Variants in SETD2 observed in about 807,000 individuals in gnomAD.
SETD2 encodes histone-lysine N-methyltransferase SETD2.
In SETD2, 31 loss-of-function variants were observed where a neutral mutation model predicts 242.1. That is an observed-to-expected ratio of 0.13 (90% CI 0.10 to 0.17). The LOEUF (loss-of-function observed/expected upper bound fraction) is 0.17, where lower values mean the gene tolerates loss of function less well. SETD2 is among the 10% of genes least tolerant of loss of function. SETD2 has a pLI of 1.00. For synonymous variants in SETD2, 1,006 were observed against 1,066.5 expected (o/e 0.94, Z 1.11); for missense variants, 2,481 against 3,046.3 (o/e 0.81, Z 4.37).
At chr3:47,037,607 G>C (rs532277122) in intron 18 of SETD2, 59 bp downstream of exon 18, 8 of 1,238,494 alleles carry the variant, frequency 6.5e-6, no homozygotes, top group Non-Finnish European at 4.8e-6. Context: ...AAGACCATGC[G>C]GGATGGTCTT....
intron 1 of SETD2, among the ~76,000 whole-genome samples, chr3:47,156,381 G>C (rs1315100427): frequency 6.6e-6 from 1 of 152,312 alleles, no homozygotes; most frequent in Admixed American, 6.5e-5. Context: ...ATGACTGATA[G>C]ATAATCTTGT....
intron 14 of SETD2, among the ~76,000 whole-genome samples, chr3:47,058,962 T>A (rs1553684451): frequency 6.6e-6 from 1 of 150,978 alleles, no homozygotes; most frequent in Non-Finnish European, 1.5e-5. Context: ...GCCTGGCTAA[T>A]TTGTTGTTGT....
chr3:47,084,426 CTTTT>C (rs5848822), intron 11 of SETD2, 44 bp from the exon 12 acceptor site: 355 of 977,298 alleles, frequency 3.6e-4, no homozygotes, highest in Non-Finnish European at 4.0e-4. Flanking sequence ...GTACAGTTGA[CTTTT>C]TTTTTTTTTT....
chr3:47,124,457 T>C lies in SETD2; in HGVS notation c.179A>G (p.Lys60Arg), dbSNP rs1340972697. Residue 60 changes from lysine to arginine, a missense_variant, in exon 3 of 21, where the codon AAA (lysine) becomes AGA (arginine). By Grantham distance (26) the Lys-to-Arg change is conservative (BLOSUM62 2). Transcript: ENST00000409792. Reference protein sequence around the residue: ...ASSRFLPKGTKTKVNLEEQGR... With the variant: ...ASSRFLPKGTRTKVNLEEQGR... Reference sequence around the variant, plus strand: ...CTGTTCTTCCAAATTAACTTTTGTTTTGGTGCCTTTGGGCAAAAATCGACT... The same window carrying C: ...CTGTTCTTCCAAATTAACTTTTGTTCTGGTGCCTTTGGGCAAAAATCGACT... 1 of 1,551,860 alleles carries C rather than the reference T, an allele frequency of 6.4e-7. No individual in the cohort carries two copies. Among genetic ancestry groups the C allele is most frequent in the Admixed American group, 2.0e-5 (1 of 51,012 alleles).
intron 6 of SETD2, among the ~76,000 whole-genome samples, chr3:47,105,304 G>A (rs924241411): frequency 6.6e-6 from 1 of 150,542 alleles, no homozygotes; most frequent in Non-Finnish European, 1.5e-5. Flanking sequence ...CAGCTACTCA[G>A]AAGACTGAGG....
At chr3:47,028,284 C>T (rs559876818) in intron 18 of SETD2, among the ~76,000 whole-genome samples, 9 of 152,260 alleles carry the variant, frequency 5.9e-5, no homozygotes, top group East Asian at 3.9e-4. Context: ...GGAAAACCCA[C>T]GCACAGCATG....
chr3:47,101,009 CAAAAAAAAAAAA>C lies in SETD2; in HGVS notation c.5015+437_5015+448del, dbSNP rs1164475680. On this transcript the variant is annotated intron_variant, in intron 8 of 20. Coordinates refer to ENST00000409792, the MANE Select transcript of SETD2 (RefSeq NM_014159.7). ...TGGGCGACAGAGCAAGAGTCCATCTCAAAAAAAAAAAAAAAAAAAAAAAAAAGAACTAGGTAA... is the reference window on the plus strand; with the variant it reads ...TGGGCGACAGAGCAAGAGTCCATCTCAAAAAAAAAAAAAAGAACTAGGTAA... 3.9e-4 allele frequency among the ~76,000 whole-genome samples: 9 copies of C among 23,118 alleles called. No homozygotes were observed. The East Asian group carries it at 6.7e-3, about 17-fold the overall frequency. 15.2% of individuals were successfully genotyped at this position (23,118 alleles called of 152,430 possible). A position where few individuals can be genotyped will look rare whatever the true frequency, so the allele number is the denominator to read the frequency against.
At position 47,113,325 on chromosome 3, in the gene SETD2, C is replaced by T. The variant is rs1454399397; in HGVS notation, c.4715+551G>A. ...TGTATACTAATGGATTCTGTCCCAA[C>T]TTCTTTTTATATAGCTTCATAGAGA... On this transcript the variant is annotated intron_variant, in intron 5 of 20. Coordinates refer to ENST00000409792, the MANE Select transcript of SETD2 (RefSeq NM_014159.7). Among the ~76,000 whole-genome samples, 13 of 152,254 alleles carry T rather than the reference C, an allele frequency of 8.5e-5. No individual in the cohort carries two copies. In the East Asian group the frequency reaches 2.5e-3, roughly 29 times the overall value.
In SETD2 at chr3:47,120,507, T is replaced by G. The variant is rs777116969; in HGVS notation, c.4129A>C (p.Ile1377Leu). 6 of 1,613,884 alleles carry G rather than the reference T, an allele frequency of 3.7e-6. No individual in the cohort carries two copies. The highest frequency in any genetic ancestry group is 1.1e-5 in the South Asian group (1 of 91,078). ...VQAPEISSNS[I>L]KDTLAVNEKK... ...TCATTCACAGCTAAAGTGTCCTTAA[T>G]GGAATTGCTGCTTATTTCAGGTGCT... The change falls in exon 3 of 21, where the codon ATT becomes CTT. Residue 1377 changes from isoleucine (I) to leucine (L), a missense_variant. Physicochemically the swap from Ile to Leu is conservative, Grantham distance 5. Transcript: ENST00000409792.
intron 14 of SETD2, among the ~76,000 whole-genome samples, chr3:47,060,819 G>A (rs922117503): frequency 1.4e-4 from 22 of 152,078 alleles, no homozygotes; most frequent in Non-Finnish European, 4.4e-5. Context: ...CGTAAACTGG[G>A]AGAAGATATT....
intron 18 of SETD2, among the ~76,000 whole-genome samples, chr3:47,027,195 A>G (rs1028823501): frequency 2.0e-5 from 3 of 151,914 alleles, no homozygotes; most frequent in African/African-American, 7.3e-5. Flanking sequence ...AAAATTAGCC[A>G]TGCGTGGTGG....
At chr3:47,055,728 G>A (rs1477737149) in intron 15 of SETD2, among the ~76,000 whole-genome samples, 2 of 151,480 alleles carry the variant, frequency 1.3e-5, no homozygotes, top group East Asian at 1.9e-4. Flanking sequence ...AAGTTCTGCC[G>A]GCCAGGCACG....
intron 12 of SETD2, among the ~76,000 whole-genome samples, chr3:47,070,846 T>C (rs928551221): frequency 3.3e-5 from 5 of 152,198 alleles, no homozygotes; most frequent in Admixed American, 2.6e-4. Flanking sequence ...AAATGTTATT[T>C]ACTGGAAGAG....
chr3:47,067,348 G>A (rs1361166331), intron 12 of SETD2, among the ~76,000 whole-genome samples: 1 of 149,496 alleles, frequency 6.7e-6, no homozygotes, highest in South Asian at 2.1e-4. Flanking sequence ...AAGCTTGTAC[G>A]ATCTCACTAG....
chr3:47,066,643 C>T (rs1228253373), intron 13 of SETD2, among the ~76,000 whole-genome samples: 1 of 151,942 alleles, frequency 6.6e-6, no homozygotes, highest in East Asian at 1.9e-4. Context: ...GCCACCCTGC[C>T]CAGCTGCATA....
intron 16 of SETD2, among the ~76,000 whole-genome samples, chr3:47,046,002 G>A (rs1459861883): frequency 1.3e-5 from 2 of 151,734 alleles, no homozygotes; most frequent in African/African-American, 2.4e-5. Flanking sequence ...TTGAGTTCAC[G>A]CCCTCAGGGT....
intron 5 of SETD2, among the ~76,000 whole-genome samples, chr3:47,110,230 A>G (rs1372136708): frequency 1.3e-5 from 2 of 152,144 alleles, no homozygotes; most frequent in Non-Finnish European, 2.9e-5. Context: ...ACCCACAGAA[A>G]CAGACAGCAA....
chr3:47,074,608 C>G (rs1048211300), intron 12 of SETD2, among the ~76,000 whole-genome samples: 5 of 152,172 alleles, frequency 3.3e-5, no homozygotes, highest in African/African-American at 1.2e-4. Flanking sequence ...TCTTTTCTAG[C>G]CTTACCCACC....
chr3:47,141,895 G>A (rs1371814452), intron 1 of SETD2, among the ~76,000 whole-genome samples: 1 of 151,650 alleles, frequency 6.6e-6, no homozygotes, highest in African/African-American at 2.4e-5. Context: ...TAATGTCTGA[G>A]GTATAGAAGG....
Sources: allele counts gnomAD v4.1 joint callset (sites outside exome capture counted in the v4.1 genomes callset), GRCh38; gene constraint gnomAD v4.1.1; transcripts MANE v1.5; gene names NCBI Gene and HGNC (gene_info 2026-07-23, HGNC 2026-07-21).